ADGRB3: variants seen among roughly 807,000 people sequenced by gnomAD.
ADGRB3 encodes the protein brain-specific angiogenesis inhibitor 3.
Under a neutral mutation model 193.4 loss-of-function variants are expected in ADGRB3, and 37 were observed. The ratio of observed to expected loss-of-function variants is 0.19; its 90% CI spans 0.15 to 0.25. ADGRB3 has a LOEUF of 0.25. Ranked by LOEUF, ADGRB3 falls within the 10% of genes least tolerant of loss-of-function variation. ADGRB3 has a pLI of 1.00. For synonymous variants in ADGRB3, 690 were observed against 644.2 expected, an observed-to-expected ratio of 1.07 and a Z score of -1.08; for missense variants, 1,637 against 1,852.9, an observed-to-expected ratio of 0.88 and a Z score of 2.14.
intron 16 of ADGRB3, among the ~76,000 whole-genome samples, chr6:69,063,291 T>C (rs1242319919): frequency 6.6e-6 from 1 of 152,074 alleles, no homozygotes; most frequent in African/African-American, 2.4e-5. Context: ...GCTTTTTTCA[T>C]GATAAAATTC....
At chr6:68,683,344 TAAA>T (rs1764928868) in intron 3 of ADGRB3, among the ~76,000 whole-genome samples, 1 of 152,096 alleles carries the variant, frequency 6.6e-6, no homozygotes, top group Non-Finnish European at 1.5e-5. Flanking sequence ...TGGCAATAAT[TAAA>T]TTATGATATC....
chr6:68,965,035 C>T (rs1768339518), intron 8 of ADGRB3, among the ~76,000 whole-genome samples: 1 of 152,108 alleles, frequency 6.6e-6, no homozygotes, highest in African/African-American at 2.4e-5. Context: ...GTCTTGACTT[C>T]CTCATGTTTA....
chr6:68,922,084 T>C (rs764784438), intron 3 of ADGRB3, among the ~76,000 whole-genome samples: 10 of 152,198 alleles, frequency 6.6e-5, no homozygotes, highest in African/African-American at 1.4e-4. Context: ...CACTGGCTTG[T>C]TAATTTAATT....
At chr6:68,828,707 C>A (rs558282668) in intron 3 of ADGRB3, among the ~76,000 whole-genome samples, 117 of 152,230 alleles carry the variant, frequency 7.7e-4, no homozygotes, top group Non-Finnish European at 1.4e-3. Context: ...ACTTTCAACA[C>A]TAATTAAAAC....
chr6:68,772,894 A>ATATATATATAT (rs1554191414), intron 3 of ADGRB3, among the ~76,000 whole-genome samples: 13 of 22,866 alleles, frequency 5.7e-4, no homozygotes, highest in Middle Eastern at 0.023. Context: ...AAAAAAAAAA[A>ATATATATATAT]ATATATATAT....
chr6:68,764,380 A>G (rs1266766253), intron 3 of ADGRB3, among the ~76,000 whole-genome samples: 18 of 152,358 alleles, frequency 1.2e-4, no homozygotes, highest in Non-Finnish European at 1.2e-4. Flanking sequence ...AGAAGTATGT[A>G]TGATCTTCTC....
intron 20 of ADGRB3, among the ~76,000 whole-genome samples, chr6:69,261,467 T>C (rs900637746): frequency 2.0e-5 from 3 of 152,154 alleles, no homozygotes; most frequent in Non-Finnish European, 4.4e-5. Flanking sequence ...GGAATTGTTA[T>C]ATAAATATAC....
intron 17 of ADGRB3, among the ~76,000 whole-genome samples, chr6:69,202,892 G>C (rs1052971405): frequency 1.3e-5 from 2 of 152,100 alleles, no homozygotes; most frequent in South Asian, 4.1e-4. Context: ...GGCAGAGCAC[G>C]CAGGATGTGA....
At chr6:69,208,120 A>G (rs1297932793) in intron 17 of ADGRB3, among the ~76,000 whole-genome samples, 1 of 152,206 alleles carries the variant, frequency 6.6e-6, no homozygotes, top group East Asian at 1.9e-4. Flanking sequence ...CCCATGCGTA[A>G]CCTCCATTCC....
chr6:68,759,359 C>T (rs542084794), intron 3 of ADGRB3, among the ~76,000 whole-genome samples: 2 of 152,204 alleles, frequency 1.3e-5, no homozygotes, highest in South Asian at 4.1e-4. Context: ...AAAGCATTTA[C>T]ATAGTTTTGA....
intron 13 of ADGRB3, among the ~76,000 whole-genome samples, chr6:69,022,285 G>A (rs1243220296): frequency 4.0e-5 from 6 of 151,652 alleles, no homozygotes; most frequent in Admixed American, 6.6e-5. Context: ...TTTAGGAAAA[G>A]CATGTGACTT....
chr6:69,111,994 G>A (rs1223577537), intron 17 of ADGRB3, among the ~76,000 whole-genome samples: 1 of 152,232 alleles, frequency 6.6e-6, no homozygotes, highest in Non-Finnish European at 1.5e-5. Context: ...TAATCATTTG[G>A]TGGCAGGAAT....
intron 8 of ADGRB3, among the ~76,000 whole-genome samples, chr6:68,958,651 G>T (rs1309204838): frequency 1.3e-5 from 2 of 151,568 alleles, no homozygotes; most frequent in Non-Finnish European, 2.9e-5. Flanking sequence ...ATGACTTAAG[G>T]CAGGTTAAAA....
rs543942315 is a variant in ADGRB3, at chr6:69,270,748, C to T, written c.2814+31522C>T. 1.6e-3 allele frequency among the ~76,000 whole-genome samples: 239 copies of T among 152,174 alleles called. 3 individuals carry two copies. Among genetic ancestry groups the T allele is most frequent in the African/African-American group, 5.3e-3 (222 of 41,532 alleles). On this transcript the variant is annotated intron_variant, in intron 20 of 31. Transcript: ENST00000370598. ...TAATTCTACTCACTACCCTGCTGTT[C>T]GATTAAGAATGACATTTTCCCCAGG... is the stretch of plus-strand genomic sequence containing the variant.
rs200359945 is a variant in ADGRB3 at position 69,057,511 on chromosome 6, T to TTTTTGTTTTG, written c.2334-5409_2334-5400dup. Among the ~76,000 whole-genome samples, 752 of 151,184 alleles carry TTTTTGTTTTG rather than the reference T, an allele frequency of 5.0e-3. 3 individuals carry two copies. Among genetic ancestry groups the TTTTTGTTTTG allele is most frequent in the African/African-American group, 0.015 (631 of 41,392 alleles). On this transcript the variant is annotated intron_variant, in intron 15 of 31. Coordinates refer to ENST00000370598, the MANE Select transcript of ADGRB3 (RefSeq NM_001704.3). ...TCTTAGGGGAAAAACTTTCAGGGTT[T>TTTTTGTTTTG]TTTTGTTTTGTTTTGTTTTGTTTGT...
chr6:68,660,043 A>G (rs1045470161), intron 3 of ADGRB3, among the ~76,000 whole-genome samples: 5 of 150,992 alleles, frequency 3.3e-5, no homozygotes, highest in African/African-American at 9.7e-5. Flanking sequence ...TGTGACAAAG[A>G]AAGCCGGTTC....
intron 17 of ADGRB3, among the ~76,000 whole-genome samples, chr6:69,188,940 G>A (rs778078013): frequency 5.3e-5 from 8 of 152,020 alleles, no homozygotes; most frequent in South Asian, 4.2e-4. Flanking sequence ...AAGTATCTGC[G>A]TAAAATAAAA....
chr6:69,014,278 G>T (rs1263948087), intron 12 of ADGRB3, among the ~76,000 whole-genome samples, 172 bp downstream of exon 12: 1 of 151,786 alleles, frequency 6.6e-6, no homozygotes, highest in East Asian at 1.9e-4. Flanking sequence ...AGTCTGGAAG[G>T]AATATTTATA....
At chr6:68,722,397 C>T (rs1421880493) in intron 3 of ADGRB3, among the ~76,000 whole-genome samples, 2 of 151,570 alleles carry the variant, frequency 1.3e-5, no homozygotes, top group African/African-American at 4.8e-5. Context: ...TTGATGGGTG[C>T]AGCAAACTAC....
Sources: gnomAD v4.1 joint callset for allele counts (sites outside exome capture counted in the v4.1 genomes callset) on GRCh38, gnomAD v4.1.1 for gene constraint, MANE v1.5 for transcripts, NCBI Gene and HGNC (gene_info 2026-07-23, HGNC 2026-07-21) for gene names.